The following MSRA variants were observed in gnomAD, a reference collection of about 807,000 sequenced individuals.
MSRA encodes the protein mitochondrial peptide methionine sulfoxide reductase.
Under a neutral mutation model 31.3 loss-of-function variants are expected in MSRA, and 54 were observed. That is an observed-to-expected ratio of 1.73 (90% confidence interval 1.39 to 2.17). The LOEUF is 2.17. Ranked by LOEUF, MSRA falls within the 30% of genes most tolerant of loss-of-function variation. The pLI is 0.00. For synonymous variants in MSRA, 169 were observed against 116.5 expected, an observed-to-expected ratio of 1.45 and a Z score of -2.90; for missense variants, 507 against 300.9, an observed-to-expected ratio of 1.69 and a Z score of -5.07.
intron 1 of MSRA, among the ~76,000 whole-genome samples, chr8:10,144,902 C>A (rs771263143): frequency 1.3e-5 from 2 of 152,064 alleles, no homozygotes; most frequent in Non-Finnish European, 2.9e-5. Flanking sequence ...ATGATTATTG[C>A]CATTTTTTTG....
intron 1 of MSRA, among the ~76,000 whole-genome samples, chr8:10,150,359 C>G (rs966549292): frequency 2.0e-5 from 3 of 152,094 alleles, no homozygotes; most frequent in Non-Finnish European, 4.4e-5. Flanking sequence ...AATATGTGCA[C>G]TTCGATGATA....
At chr8:10,280,032 G>C (rs1284639937) in intron 3 of MSRA, among the ~76,000 whole-genome samples, 4 of 152,254 alleles carry the variant, frequency 2.6e-5, no homozygotes, top group African/African-American at 9.6e-5. Flanking sequence ...AGATAGTGCA[G>C]CCTTGCTTTT....
chr8:10,152,306 T>C lies in MSRA; in HGVS notation c.143-55527T>C, dbSNP rs142371846. On this transcript the variant is annotated intron_variant, in intron 1 of 5. Coordinates refer to ENST00000317173, the MANE Select transcript of MSRA (RefSeq NM_012331.5). ...ATAAAATTGGATTGAGTCATAAAAG[T>C]ATAAATATGTCCAATGTAAAATCTA... 1.6e-4 allele frequency among the ~76,000 whole-genome samples: 24 copies of C among 152,334 alleles called. No individual in the cohort carries two copies. The East Asian group carries it at 4.6e-3, about 29-fold the overall frequency.
intron 1 of MSRA, among the ~76,000 whole-genome samples, chr8:10,153,642 T>C (rs948886635): frequency 6.6e-6 from 1 of 152,130 alleles, no homozygotes; most frequent in African/African-American, 2.4e-5. Flanking sequence ...GCGACAGCAG[T>C]GGTAGCACAG....
At chr8:10,245,350 T>C (rs1035925744) in intron 3 of MSRA, 127 bp downstream of exon 3, 8 of 859,208 alleles carry the variant, frequency 9.3e-6, no homozygotes, top group African/African-American at 8.6e-5. Context: ...CTTTATTATT[T>C]GTATATATAT....
intron 3 of MSRA, among the ~76,000 whole-genome samples, chr8:10,270,865 C>A (rs1165573215): frequency 2.6e-5 from 4 of 152,176 alleles, no homozygotes; most frequent in African/African-American, 9.6e-5. Context: ...ATTTGTGCTG[C>A]AGGGGAGAGG....
At chr8:10,280,789 G>A (rs1332948095) in intron 3 of MSRA, among the ~76,000 whole-genome samples, 1 of 152,202 alleles carries the variant, frequency 6.6e-6, no homozygotes, top group African/African-American at 2.4e-5. Context: ...ACGCGCATCA[G>A]CGTGTGAATG....
At chr8:10,140,160 G>T (rs907456393) in intron 1 of MSRA, among the ~76,000 whole-genome samples, 12 of 152,182 alleles carry the variant, frequency 7.9e-5, no homozygotes, top group African/African-American at 2.9e-4. Flanking sequence ...TGAGCTAATG[G>T]TGATAAACAG....
chr8:10,178,466 A>T (rs949499440), intron 1 of MSRA, among the ~76,000 whole-genome samples: 1 of 152,156 alleles, frequency 6.6e-6, no homozygotes, highest in African/African-American at 2.4e-5. Flanking sequence ...ACACAATAAC[A>T]TTCCAAGCAG....
intron 1 of MSRA, among the ~76,000 whole-genome samples, chr8:10,122,180 C>T (rs373484195): frequency 1.3e-5 from 2 of 152,090 alleles, no homozygotes; most frequent in African/African-American, 4.8e-5. Flanking sequence ...GCAAGATTCT[C>T]GCCATGAGAA....
At chr8:10,218,163 T>TA in intron 2 of MSRA, among the ~76,000 whole-genome samples, 3 of 147,960 alleles carry the variant, frequency 2.0e-5, no homozygotes, top group Admixed American at 1.4e-4. Context: ...TTTATTTATT[T>TA]TGAGAAAGAG....
At chr8:10,162,608 A>G (rs919970889) in intron 1 of MSRA, among the ~76,000 whole-genome samples, 1 of 152,190 alleles carries the variant, frequency 6.6e-6, no homozygotes, top group African/African-American at 2.4e-5. Flanking sequence ...ACTGTGGCAC[A>G]GGGGAAACCC....
At chr8:10,116,881 G>A (rs938298106) in intron 1 of MSRA, among the ~76,000 whole-genome samples, 3 of 152,124 alleles carry the variant, frequency 2.0e-5, no homozygotes, top group African/African-American at 7.2e-5. Flanking sequence ...CAGGAGAATC[G>A]CTTGAACCTG....
At chr8:10,130,705 G>T (rs1274093234) in intron 1 of MSRA, among the ~76,000 whole-genome samples, 3 of 152,174 alleles carry the variant, frequency 2.0e-5, no homozygotes, top group African/African-American at 2.4e-5. Flanking sequence ...ATAGCACGGG[G>T]CTCTATTTCT....
chr8:10,221,367 A>G (rs1046993978), intron 2 of MSRA, among the ~76,000 whole-genome samples: 23 of 152,078 alleles, frequency 1.5e-4, no homozygotes, highest in African/African-American at 5.6e-4. Flanking sequence ...AAACACTTGT[A>G]CCAGCACCAC....
chr8:10,427,155 G>A (rs565317422), intron 5 of MSRA, among the ~76,000 whole-genome samples: 3 of 152,158 alleles, frequency 2.0e-5, no homozygotes, highest in Non-Finnish European at 2.9e-5. Context: ...GTCCCCTCGT[G>A]AAAACATGGG....
At chr8:10,344,945 C>T (rs1182960857) in intron 5 of MSRA, among the ~76,000 whole-genome samples, 6 of 152,148 alleles carry the variant, frequency 3.9e-5, no homozygotes, top group Non-Finnish European at 7.4e-5. Flanking sequence ...CTGCATTGTT[C>T]TGTCGATTTT....
At chr8:10,067,467 C>A (rs1797514195) in intron 1 of MSRA, among the ~76,000 whole-genome samples, 1 of 152,124 alleles carries the variant, frequency 6.6e-6, no homozygotes, top group Non-Finnish European at 1.5e-5. Flanking sequence ...ATTGTTTTGG[C>A]AGTTATGAAT....
intron 1 of MSRA, among the ~76,000 whole-genome samples, chr8:10,083,350 GT>G (rs1472054324): frequency 6.6e-6 from 1 of 152,138 alleles, no homozygotes; most frequent in Non-Finnish European, 1.5e-5. Flanking sequence ...TTAAAATACT[GT>G]TTTTAGATAT....
Sources: allele counts gnomAD v4.1 joint callset (sites outside exome capture counted in the v4.1 genomes callset), GRCh38; gene constraint gnomAD v4.1.1; transcripts MANE v1.5; gene names NCBI Gene and HGNC (gene_info 2026-07-23, HGNC 2026-07-21).